CCBE1: variants seen among roughly 807,000 people sequenced by gnomAD.
CCBE1 encodes collagen and calcium-binding EGF domain-containing protein 1.
A neutral mutation model predicts 50.0 loss-of-function variants in CCBE1; 37 were observed. The ratio of observed to expected loss-of-function variants is 0.74; its 90% CI spans 0.57 to 0.97. The LOEUF is 0.97. CCBE1 is among the 50% of genes least tolerant of loss of function. CCBE1 has a pLI of 0.00. For synonymous variants in CCBE1, 234 were observed against 203.7 expected (o/e 1.15, Z -1.27); for missense variants, 538 against 523.8 (o/e 1.03, Z -0.26).
intron 2 of CCBE1, among the ~76,000 whole-genome samples, chr18:59,592,583 C>T (rs78250404): frequency 0.06 from 9,159 of 152,154 alleles, 820 homozygotes; most frequent in African/African-American, 0.19. Context: ...CACTGTATGC[C>T]AACTTTACTA....
intron 2 of CCBE1, among the ~76,000 whole-genome samples, chr18:59,593,014 T>C (rs2053296478): frequency 6.6e-6 from 1 of 152,154 alleles, no homozygotes; most frequent in Non-Finnish European, 1.5e-5. Flanking sequence ...ACATGGGCAA[T>C]AAAACTATGA....
At chr18:59,436,187 T>A in intron 10 of CCBE1, 46 bp from the exon 11 acceptor site, 2 of 1,550,876 alleles carry the variant, frequency 1.3e-6, no homozygotes, top group Non-Finnish European at 1.8e-6. Context: ...CAGACAGCAA[T>A]GGCCTCCGGG....
intron 2 of CCBE1, among the ~76,000 whole-genome samples, chr18:59,671,440 G>T (rs1017857336): frequency 5.9e-5 from 9 of 151,536 alleles, no homozygotes; most frequent in African/African-American, 2.2e-4. Context: ...CGAGGCTGCA[G>T]TGAGCCATGA....
chr18:59,692,951 C>T (rs1436304522), intron 2 of CCBE1, among the ~76,000 whole-genome samples: 2 of 114,786 alleles, frequency 1.7e-5, no homozygotes, highest in African/African-American at 7.1e-5. Flanking sequence ...CTTTGTCAAG[C>T]CAAAGCACAC....
intron 2 of CCBE1, among the ~76,000 whole-genome samples, chr18:59,602,497 A>T (rs577490739): frequency 1.6e-4 from 25 of 152,348 alleles, no homozygotes; most frequent in Non-Finnish European, 2.5e-4. Flanking sequence ...CCATTGGATA[A>T]ATAAGTTTTC....
chr18:59,622,517 A>G (rs1208121552), intron 2 of CCBE1, among the ~76,000 whole-genome samples: 1 of 150,954 alleles, frequency 6.6e-6, no homozygotes, highest in Non-Finnish European at 1.5e-5. Context: ...GAAAAAAAAA[A>G]AAAGGCTGGG....
At position 59,659,097 on chromosome 18, in the gene CCBE1, G is replaced by A. The variant is rs564324789; in HGVS notation, c.212+37532C>T. ...GTGCATGCCACGCGTTCCTTTGCAC[G>A]ACTTCCACACACATTATGTGTAAGT... On this transcript the variant is annotated intron_variant, in intron 2 of 10. Transcript: ENST00000439986. Among the ~76,000 whole-genome samples the A allele has an allele frequency of 5.3e-5, 8 of 152,164 alleles. No individual in the cohort carries two copies. In the South Asian group the frequency reaches 1.7e-3, roughly 32 times the overall value.
At chr18:59,691,492 G>A (rs3097398) in intron 2 of CCBE1, among the ~76,000 whole-genome samples, 126,252 of 152,160 alleles carry the variant, frequency 0.83, 53,162 homozygotes, top group Admixed American at 0.92. Flanking sequence ...CACAACCTCC[G>A]CCTCCCAGGT....
At chr18:59,581,175 G>A (rs1011104197) in intron 2 of CCBE1, among the ~76,000 whole-genome samples, 4 of 152,038 alleles carry the variant, frequency 2.6e-5, no homozygotes, top group African/African-American at 4.8e-5. Context: ...ATGTGGCCTC[G>A]GCTCTCTTGA....
intron 2 of CCBE1, among the ~76,000 whole-genome samples, chr18:59,680,779 C>T (rs1044299425): frequency 6.6e-6 from 1 of 152,064 alleles, no homozygotes; most frequent in African/African-American, 2.4e-5. Flanking sequence ...TCCCTTTCAT[C>T]CATCAGGTTA....
chr18:59,443,811 G>A (rs889905486), intron 7 of CCBE1, among the ~76,000 whole-genome samples: 21 of 152,102 alleles, frequency 1.4e-4, no homozygotes, highest in African/African-American at 5.1e-4. Context: ...GTAATGCTAA[G>A]TATATTCCCA....
intron 2 of CCBE1, among the ~76,000 whole-genome samples, chr18:59,639,134 A>G (rs2053951793): frequency 6.6e-6 from 1 of 152,160 alleles, no homozygotes; most frequent in Non-Finnish European, 1.5e-5. Context: ...TAAGCCAGGC[A>G]TGGTGGTGTG....
chr18:59,558,963 TC>T (rs1364357169), intron 2 of CCBE1, among the ~76,000 whole-genome samples: 3 of 152,224 alleles, frequency 2.0e-5, no homozygotes, highest in Non-Finnish European at 4.4e-5. Context: ...TTTCTGTTCA[TC>T]CACTCACTCC....
chr18:59,697,620 CTCG>C (rs2054831145), upstream of CCBE1: 12 of 446,920 alleles, frequency 2.7e-5, no homozygotes, highest in South Asian at 2.9e-4. Context: ...TTCAAGTTGT[CTCG>C]TCGGGACGTT....
chr18:59,589,790 CAAAAAAAAAA>C (rs752546235), intron 2 of CCBE1, among the ~76,000 whole-genome samples: 1 of 73,114 alleles, frequency 1.4e-5, no homozygotes, highest in African/African-American at 5.2e-5. Flanking sequence ...GACTCCATCT[CAAAAAAAAAA>C]AAAAAAAAAA....
At chr18:59,553,514 C>G (rs1415873700) in intron 2 of CCBE1, among the ~76,000 whole-genome samples, 1 of 152,168 alleles carries the variant, frequency 6.6e-6, no homozygotes, top group Non-Finnish European at 1.5e-5. Flanking sequence ...GATATGGAGT[C>G]GTAGCTGCTG....
intron 2 of CCBE1, among the ~76,000 whole-genome samples, chr18:59,673,314 G>A (rs571720611): frequency 1.3e-5 from 2 of 152,162 alleles, no homozygotes; most frequent in Non-Finnish European, 2.9e-5. Flanking sequence ...AGCTGGGTGT[G>A]GTGGCAGACA....
chr18:59,645,979 C>T (rs925082411), intron 2 of CCBE1, among the ~76,000 whole-genome samples: 4 of 151,430 alleles, frequency 2.6e-5, no homozygotes, highest in South Asian at 2.1e-4. Context: ...TGCAGTGAGC[C>T]GAGATTGCGC....
chr18:59,466,362 G>A (rs547200621), intron 5 of CCBE1, among the ~76,000 whole-genome samples: 60 of 152,078 alleles, frequency 3.9e-4, no homozygotes, highest in Middle Eastern at 3.4e-3. Context: ...GCCTGCAACC[G>A]TGTAAGACGT....
Sources: gnomAD v4.1 joint callset for allele counts (sites outside exome capture counted in the v4.1 genomes callset) on GRCh38, gnomAD v4.1.1 for gene constraint, MANE v1.5 for transcripts, NCBI Gene and HGNC (gene_info 2026-07-23, HGNC 2026-07-21) for gene names.